The following HMG20A variants were observed in gnomAD, a reference collection of about 807,000 sequenced individuals.
The protein encoded by HMG20A is high mobility group protein 20A.
In HMG20A, 17 loss-of-function variants were observed where a neutral mutation model predicts 43.9. The ratio of observed to expected loss-of-function variants is 0.39; its 90% confidence interval spans 0.27 to 0.58. HMG20A has a LOEUF of 0.58. HMG20A is among the 20% of genes least tolerant of loss of function. HMG20A has a pLI of 0.59. For missense variants in HMG20A, 341 were observed against 438.2 expected, an observed-to-expected ratio of 0.78 and a Z score of 1.98; for synonymous variants, 132 against 147.5, an observed-to-expected ratio of 0.89 and a Z score of 0.76.
chr15:77,494,136 T>G, the HMG20A span, among the ~76,000 whole-genome samples: 3 of 116,612 alleles, frequency 2.6e-5, no homozygotes, highest in African/African-American at 6.8e-5. Flanking sequence ...GTTAACTTTT[T>G]TTGTTGTTGT....
intron 1 of HMG20A, among the ~76,000 whole-genome samples, chr15:77,427,567 A>G (rs147690179): frequency 1.6e-4 from 25 of 152,292 alleles, no homozygotes; most frequent in African/African-American, 5.5e-4. Context: ...TTATAATCTG[A>G]TAAGTGTTTC....
At chr15:77,503,799 G>A in the HMG20A span, among the ~76,000 whole-genome samples, 2 of 152,186 alleles carry the variant, frequency 1.3e-5, no homozygotes, top group African/African-American at 4.8e-5. Flanking sequence ...CAGTCACTCT[G>A]GGGTAGGGCC....
chr15:77,497,682 A>AGAGAGAGAGAGT, the HMG20A span, among the ~76,000 whole-genome samples: 16 of 119,086 alleles, frequency 1.3e-4, no homozygotes, highest in East Asian at 5.0e-4. Flanking sequence ...AGAGAGAGAG[A>AGAGAGAGAGAGT]GTGTGTGTGT....
At chr15:77,437,103 T>C (rs995859531) in intron 1 of HMG20A, among the ~76,000 whole-genome samples, 1 of 152,242 alleles carries the variant, frequency 6.6e-6, no homozygotes, top group Non-Finnish European at 1.5e-5. Flanking sequence ...TCTCAGGTTA[T>C]GTGTTCCTTC....
At chr15:77,516,667 A>C in the HMG20A span, among the ~76,000 whole-genome samples, 18 of 151,998 alleles carry the variant, frequency 1.2e-4, no homozygotes, top group Non-Finnish European at 1.3e-4. Flanking sequence ...GAGTGGTGAG[A>C]AGGGCACTGA....
At chr15:77,506,802 C>A in the HMG20A span, among the ~76,000 whole-genome samples, 1 of 152,226 alleles carries the variant, frequency 6.6e-6, no homozygotes, top group African/African-American at 2.4e-5. Flanking sequence ...CCTTGCATTC[C>A]AGCCATGGCC....
At chr15:77,427,428 A>G (rs1595909962) in intron 1 of HMG20A, among the ~76,000 whole-genome samples, 2 of 152,198 alleles carry the variant, frequency 1.3e-5, no homozygotes, top group Admixed American at 1.3e-4. Flanking sequence ...TATGATACCT[A>G]CATTTCCCTA....
intron 2 of HMG20A, among the ~76,000 whole-genome samples, chr15:77,459,361 A>C (rs1394287872): frequency 6.6e-6 from 1 of 152,230 alleles, no homozygotes; most frequent in Non-Finnish European, 1.5e-5. Flanking sequence ...ATTAGATAGA[A>C]AGCATTGATC....
the HMG20A span, among the ~76,000 whole-genome samples, chr15:77,512,144 GA>G: frequency 6.6e-6 from 1 of 152,146 alleles, no homozygotes; most frequent in African/African-American, 2.4e-5. Context: ...TATGTTATGT[GA>G]AATAAGCCAG....
At chr15:77,422,920 T>C (rs1028393857) in intron 1 of HMG20A, among the ~76,000 whole-genome samples, 3 of 152,124 alleles carry the variant, frequency 2.0e-5, no homozygotes, top group Admixed American at 2.0e-4. Context: ...TCTATATTAA[T>C]GTAATATAGA....
intron 1 of HMG20A, among the ~76,000 whole-genome samples, chr15:77,452,908 A>G (rs895560255): frequency 1.3e-5 from 2 of 152,214 alleles, no homozygotes; most frequent in African/African-American, 4.8e-5. Flanking sequence ...TGCAATAACA[A>G]TACAGTTTTA....
At chr15:77,513,249 G>C in the HMG20A span, among the ~76,000 whole-genome samples, 2 of 152,186 alleles carry the variant, frequency 1.3e-5, no homozygotes, top group African/African-American at 4.8e-5. Flanking sequence ...GTTTGGGAGA[G>C]TGTATCTGCT....
intron 1 of HMG20A, among the ~76,000 whole-genome samples, chr15:77,455,482 C>T (rs2072645374): frequency 6.6e-6 from 1 of 151,618 alleles, no homozygotes; most frequent in South Asian, 2.1e-4. Flanking sequence ...TTCCAAAGCT[C>T]AGGTCCAGAC....
intron 9 of HMG20A, among the ~76,000 whole-genome samples, chr15:77,480,289 A>G (rs1227038105): frequency 6.6e-6 from 1 of 151,830 alleles, no homozygotes; most frequent in Non-Finnish European, 1.5e-5. Flanking sequence ...AGAGCAAGAC[A>G]CTGTCTCAAA....
At chr15:77,506,455 G>T in the HMG20A span, among the ~76,000 whole-genome samples, 1 of 152,164 alleles carries the variant, frequency 6.6e-6, no homozygotes, top group East Asian at 1.9e-4. Flanking sequence ...TGTGTTTATT[G>T]TCTCTGCACC....
chr15:77,465,126 G>C (rs565138468), intron 3 of HMG20A, among the ~76,000 whole-genome samples: 1 of 151,900 alleles, frequency 6.6e-6, no homozygotes, highest in Admixed American at 6.5e-5. Flanking sequence ...GCCAGGTGCA[G>C]TGGTGTGTGC....
intron 1 of HMG20A, among the ~76,000 whole-genome samples, chr15:77,434,321 A>C (rs2073522048): frequency 7.6e-6 from 1 of 131,688 alleles, no homozygotes; most frequent in African/African-American, 2.8e-5. Flanking sequence ...AAAAGGAAGG[A>C]GTTTATGAAA....
chr15:77,490,515 A>G (rs532610439), downstream of HMG20A, among the ~76,000 whole-genome samples: 2 of 152,128 alleles, frequency 1.3e-5, no homozygotes, highest in African/African-American at 4.8e-5. Context: ...TGGAGAATGA[A>G]AGAAAAAGAA....
the HMG20A span, among the ~76,000 whole-genome samples, chr15:77,501,779 A>C: frequency 6.6e-6 from 1 of 152,234 alleles, no homozygotes; most frequent in African/African-American, 2.4e-5. Context: ...AACATAACGA[A>C]GGATCCCCTT....
Sources: allele counts gnomAD v4.1 joint callset (sites outside exome capture counted in the v4.1 genomes callset), GRCh38; gene constraint gnomAD v4.1.1; transcripts MANE v1.5; gene names NCBI Gene and HGNC (gene_info 2026-07-23, HGNC 2026-07-21).